The following ARSG variants were observed in gnomAD, a reference collection of about 807,000 sequenced individuals.
ARSG encodes the protein arylsulfatase G, also known as ASG.
A neutral mutation model predicts 50.5 loss-of-function variants in ARSG; 37 were observed. The observed-to-expected ratio is 0.73, with a 90% CI of 0.56 to 0.96. The LOEUF (loss-of-function observed/expected upper bound fraction) is 0.96, where lower values mean the gene tolerates loss of function less well. Among genes scored for constraint, ARSG ranks in the 50% least tolerant of loss-of-function variants. The pLI is 0.00. For synonymous variants in ARSG, 225 were observed against 254.6 expected (o/e 0.88, Z 1.11); for missense variants, 629 against 675.3 (o/e 0.93, Z 0.76).
At chr17:68,429,519 C>G in the ARSG span, among the ~76,000 whole-genome samples, 1 of 152,208 alleles carries the variant, frequency 6.6e-6, no homozygotes, top group Non-Finnish European at 1.5e-5. Flanking sequence ...TGGCTGCCCC[C>G]TGAGAATCCG....
At chr17:68,445,304 C>G in the ARSG span, among the ~76,000 whole-genome samples, 2 of 152,192 alleles carry the variant, frequency 1.3e-5, no homozygotes, top group Non-Finnish European at 2.9e-5. Context: ...TGCCATCTAA[C>G]AGGCTGCCTT....
chr17:68,433,565 T>C, the ARSG span: 9 of 1,613,752 alleles, frequency 5.6e-6, no homozygotes, highest in Non-Finnish European at 5.9e-6. Context: ...AGAGAGCTGA[T>C]TGTCACATAC....
chr17:68,270,380 C>G (rs1225848966), intron 1 of ARSG, among the ~76,000 whole-genome samples: 1 of 152,064 alleles, frequency 6.6e-6, no homozygotes, highest in African/African-American at 2.4e-5. Flanking sequence ...ATGGTGAAAC[C>G]CCATCTCTAC....
At chr17:68,329,922 CAA>C (rs1000854523) in intron 2 of ARSG, among the ~76,000 whole-genome samples, 3 of 152,174 alleles carry the variant, frequency 2.0e-5, no homozygotes, top group African/African-American at 7.2e-5. Flanking sequence ...TAATCATTTT[CAA>C]AGACGCTGGG....
At chr17:68,394,923 A>G in intron 9 of ARSG, 150 bp from the exon 10 acceptor site, 1 of 1,122,480 alleles carries the variant, frequency 8.9e-7, no homozygotes, top group Non-Finnish European at 1.2e-6. Context: ...GTGGAACTGA[A>G]AGGAAAAACA....
chr17:68,413,487 G>T, intron 11 of ARSG: 1 of 152,186 alleles, frequency 6.6e-6, no homozygotes, highest in Non-Finnish European at 1.5e-5. Context: ...ATCTCCAGCT[G>T]CGTGCTGGGA....
intron 1 of ARSG, among the ~76,000 whole-genome samples, chr17:68,302,032 T>A (rs2145482735): frequency 6.6e-6 from 1 of 152,258 alleles, no homozygotes; most frequent in Non-Finnish European, 1.5e-5. Context: ...GTCAAAAAAG[T>A]AAGTGGTGTG....
chr17:68,306,401 A>G (rs2076611273), intron 1 of ARSG, among the ~76,000 whole-genome samples: 1 of 152,172 alleles, frequency 6.6e-6, no homozygotes, highest in Non-Finnish European at 1.5e-5. Context: ...TCAAAAAAAA[A>G]AGAATTTTAG....
At chr17:68,312,318 T>A (rs2076893915) in intron 2 of ARSG, among the ~76,000 whole-genome samples, 1 of 152,140 alleles carries the variant, frequency 6.6e-6, no homozygotes, top group Admixed American at 6.5e-5. Context: ...CAAGATGCCC[T>A]GGAATGTCAC....
At chr17:68,424,821 G>A (rs1020552486), downstream of ARSG, among the ~76,000 whole-genome samples, 4 of 150,498 alleles carry the variant, frequency 2.7e-5, no homozygotes, top group African/African-American at 9.8e-5. Context: ...AGGCTGCAGC[G>A]AGCCGAGATC....
chr17:68,352,118 AG>A lies in ARSG; in HGVS notation c.566+434del, dbSNP rs1173047213. 5.3e-3 allele frequency among the ~76,000 whole-genome samples: 383 copies of A among 71,648 alleles called. 5 individuals carry two copies. Among genetic ancestry groups the A allele is most frequent in the African/African-American group, 0.017 (351 of 20,768 alleles). The allele number at this position is 71,648 out of a possible 152,430, so 47.0% of individuals were successfully genotyped here. A position where few individuals can be genotyped will look rare whatever the true frequency, so the allele number is the denominator to read the frequency against. On this transcript the variant is annotated intron_variant, in intron 5 of 11. Coordinates refer to ENST00000621439, the MANE Select transcript of ARSG (RefSeq NM_001267727.2). The stretch of plus-strand genomic sequence containing the variant: ...GAGAGAGAGAGAGAGAGAGAGACAG[AG>A]GAGAGAGAGAGAGAGAGACAGAGGA...
rs1029323356 is a variant in ARSG, at chr17:68,383,133, G to A, written c.983-1931G>A. On this transcript the variant is annotated intron_variant, in intron 8 of 11. Coordinates refer to ENST00000621439, the MANE Select transcript of ARSG (RefSeq NM_001267727.2). ...ATTGAAACGTTTTTCTCTGAAGAGC[G>A]TATTAGGAAAGTCAGTCACCTACAA... 6.6e-4 allele frequency among the ~76,000 whole-genome samples: 101 copies of A among 152,254 alleles called. 2 individuals carry two copies. Among genetic ancestry groups the A allele is most frequent in the Admixed American group, 6.1e-3 (94 of 15,294 alleles).
At chr17:68,303,881 A>C (rs1555762911) in intron 1 of ARSG, among the ~76,000 whole-genome samples, 1 of 152,194 alleles carries the variant, frequency 6.6e-6, no homozygotes, top group Non-Finnish European at 1.5e-5. Context: ...AAAGGATTAA[A>C]TGTTTCCCTG....
intron 11 of ARSG, among the ~76,000 whole-genome samples, chr17:68,407,611 T>TTTTTG (rs1272466890): frequency 6.6e-6 from 1 of 151,986 alleles, no homozygotes; most frequent in Admixed American, 6.6e-5. Context: ...TTTTTTTTTT[T>TTTTTG]CAGCTATTGT....
intron 2 of ARSG, among the ~76,000 whole-genome samples, chr17:68,329,869 C>T (rs892662951): frequency 8.5e-5 from 13 of 152,076 alleles, no homozygotes; most frequent in African/African-American, 2.7e-4. Context: ...TGTGTTGGGC[C>T]GCATTCAAGC....
chr17:68,274,658 G>C (rs934075517), intron 1 of ARSG: 3 of 152,074 alleles, frequency 2.0e-5, no homozygotes, highest in African/African-American at 4.8e-5. Context: ...GATATGTATT[G>C]AATTTATGTT....
In ARSG at chr17:68,316,494, G is replaced by A. The variant is rs553894562; in HGVS notation, c.218+8783G>A. Among the ~76,000 whole-genome samples the A allele has an allele frequency of 8.5e-5, 13 of 152,278 alleles. No homozygotes were observed. In the South Asian group the frequency reaches 1.7e-3, roughly 19 times the overall value. ...AGGTGCTCAAACAATAATTGTTCAC[G>A]TACTTGGATTCCTGGATCTAAACTT... is the stretch of plus-strand genomic sequence containing the variant. On this transcript the variant is annotated intron_variant, in intron 2 of 11. Coordinates refer to ENST00000621439, the MANE Select transcript of ARSG (RefSeq NM_001267727.2).
At chr17:68,314,084 G>A (rs1048911668) in intron 2 of ARSG, among the ~76,000 whole-genome samples, 2 of 152,160 alleles carry the variant, frequency 1.3e-5, no homozygotes, top group African/African-American at 4.8e-5. Context: ...GAGGGCAGGA[G>A]CCAGACAGTT....
At position 68,343,788 on chromosome 17, in the gene ARSG, A is replaced by G. The variant is rs1296995911; in HGVS notation, c.403A>G (p.Ile135Val). 2 of 1,609,650 alleles carry G rather than the reference A, an allele frequency of 1.2e-6. No homozygotes were observed. The highest frequency in any genetic ancestry group is 4.5e-5 in the East Asian group (2 of 44,760). The change falls in exon 3 of 12, where the codon ATA becomes GTA. Residue 135 changes from isoleucine (I) to valine (V), a missense_variant. Coordinates refer to ENST00000621439, the MANE Select transcript of ARSG (RefSeq NM_001267727.2). ...GCAGGCGGGTTACGTCACTGGGATA[A>G]TAGGTAACTCTGGGCCCCGTCTGCC... The part of the protein sequence containing the change: ...LQQAGYVTGI[I>V]GKWHLGHHGS...
Sources: gnomAD v4.1 joint callset for allele counts (sites outside exome capture counted in the v4.1 genomes callset) on GRCh38, gnomAD v4.1.1 for gene constraint, MANE v1.5 for transcripts, NCBI Gene and HGNC (gene_info 2026-07-23, HGNC 2026-07-21) for gene names.